Variants in AP2B1 observed in about 807,000 individuals in gnomAD.
AP2B1 encodes the protein adaptor related protein complex 2 subunit beta 1.
A neutral mutation model predicts 102.0 loss-of-function variants in AP2B1; 23 were observed. The ratio of observed to expected loss-of-function variants is 0.23; its 90% CI spans 0.16 to 0.32. AP2B1 has a LOEUF of 0.32. Among genes scored for constraint, AP2B1 ranks in the 10% least tolerant of loss-of-function variants. AP2B1 has a pLI of 1.00. For missense variants in AP2B1, 541 were observed against 1,157.4 expected, an observed-to-expected ratio of 0.47 and a Z score of 7.73; for synonymous variants, 381 against 421.2, an observed-to-expected ratio of 0.90 and a Z score of 1.17.
At chr17:35,596,529 T>TC (rs1438270429) in intron 2 of AP2B1, among the ~76,000 whole-genome samples, 1 of 151,792 alleles carries the variant, frequency 6.6e-6, no homozygotes, top group Non-Finnish European at 1.5e-5. Context: ...CTTTTTTTTT[T>TC]TTTTGGAGGA....
At position 35,593,526 on chromosome 17, in the gene AP2B1, A is replaced by AT. The variant is rs565677149; in HGVS notation, c.-23-472dup. 3.0e-4 allele frequency among the ~76,000 whole-genome samples: 45 copies of AT among 150,562 alleles called. No homozygotes were observed. In the South Asian group the frequency reaches 5.6e-3, roughly 19 times the overall value. ...AAGAATATTGTCCTACTAATTTTGA[A>AT]TTTTTTTTTTCTGAAAGAGATTCTT... is the stretch of plus-strand genomic sequence containing the variant. On this transcript the variant is annotated intron_variant, in intron 1 of 21. Coordinates refer to ENST00000610402, the MANE Select transcript of AP2B1 (RefSeq NM_001030006.2).
intron 10 of AP2B1, among the ~76,000 whole-genome samples, chr17:35,637,314 A>G (rs1306748276): frequency 6.6e-6 from 1 of 151,918 alleles, no homozygotes; most frequent in Non-Finnish European, 1.5e-5. Flanking sequence ...CTTCCCAAGT[A>G]GCTATGATTA....
At chr17:35,639,125 T>C (rs2074694415) in intron 10 of AP2B1, among the ~76,000 whole-genome samples, 1 of 152,112 alleles carries the variant, frequency 6.6e-6, no homozygotes, top group African/African-American at 2.4e-5. Context: ...AGGCCACAAG[T>C]TTGAGACCAG....
At chr17:35,588,936 T>G (rs534419413) in intron 1 of AP2B1, among the ~76,000 whole-genome samples, 137 of 152,338 alleles carry the variant, frequency 9.0e-4, no homozygotes, top group African/African-American at 3.1e-3. Context: ...AATACTAACT[T>G]TTTAGGCACA....
intron 16 of AP2B1, among the ~76,000 whole-genome samples, chr17:35,673,165 T>G (rs867485202): frequency 1.3e-5 from 2 of 152,320 alleles, no homozygotes; most frequent in African/African-American, 2.4e-5. Flanking sequence ...ACAGATCCTT[T>G]GGTATTCTGT....
At chr17:35,711,420 A>AC (rs1454327795) in intron 20 of AP2B1, among the ~76,000 whole-genome samples, 1 of 151,594 alleles carries the variant, frequency 6.6e-6, no homozygotes, top group Non-Finnish European at 1.5e-5. Context: ...CAAAAAAAAA[A>AC]AAAAACACAC....
At chr17:35,641,723 G>C (rs1598146499) in intron 11 of AP2B1, among the ~76,000 whole-genome samples, 154 bp from the exon 12 acceptor site, 1 of 152,192 alleles carries the variant, frequency 6.6e-6, no homozygotes, top group African/African-American at 2.4e-5. Flanking sequence ...GACTGCTGTT[G>C]TTGATATTGA....
At chr17:35,676,707 C>T (rs2075709257) in intron 17 of AP2B1, among the ~76,000 whole-genome samples, 1 of 152,176 alleles carries the variant, frequency 6.6e-6, no homozygotes, top group African/African-American at 2.4e-5. Flanking sequence ...CCATTCTTGT[C>T]GCTGTGTAGT....
At chr17:35,596,568 C>G (rs1428965081) in intron 2 of AP2B1, among the ~76,000 whole-genome samples, 9 of 151,160 alleles carry the variant, frequency 6.0e-5, no homozygotes, top group Non-Finnish European at 8.8e-5. Context: ...TGTCCCAGTC[C>G]TCGGGCGCCG....
intron 13 of AP2B1, among the ~76,000 whole-genome samples, chr17:35,652,803 A>G (rs1211461101): frequency 2.0e-5 from 3 of 152,016 alleles, no homozygotes; most frequent in African/African-American, 7.2e-5. Context: ...TACCTATTCT[A>G]CCTTCTTTTT....
At chr17:35,653,285 C>A (rs1272618953) in intron 13 of AP2B1, among the ~76,000 whole-genome samples, 2 of 152,194 alleles carry the variant, frequency 1.3e-5, no homozygotes, top group Non-Finnish European at 2.9e-5. Context: ...GAGGTTGTCG[C>A]TTTCCGAAAA....
intron 18 of AP2B1, among the ~76,000 whole-genome samples, chr17:35,708,675 A>G (rs1242399496): frequency 6.6e-6 from 1 of 152,190 alleles, no homozygotes; most frequent in East Asian, 1.9e-4. Flanking sequence ...TAAAAAAATA[A>G]AAAATAAGAG....
At chr17:35,618,359 A>G (rs1318218735) in intron 5 of AP2B1, among the ~76,000 whole-genome samples, 6 of 152,320 alleles carry the variant, frequency 3.9e-5, no homozygotes, top group South Asian at 4.2e-4. Context: ...TTTCCTCATA[A>G]TAGTTTTGGT....
rs1217379538 is a variant in AP2B1 at position 35,593,992 on chromosome 17, T to A, written c.-23-16T>A. 6.7e-7 allele frequency: 1 copy of A among 1,485,940 alleles called. No homozygotes were observed. Among genetic ancestry groups the A allele is most frequent in the South Asian group, 1.3e-5 (1 of 77,272 alleles). 92.0% of individuals were successfully genotyped at this position (1,485,940 alleles called of 1,614,324 possible). ...ATCTATAACCTGAATGAAGGAATTC[T>A]TTTCTCTTGCTATAGGTGCACATTA... On this transcript the variant is annotated splice_polypyrimidine_tract_variant and intron_variant, in intron 1 of 21. Coordinates refer to ENST00000610402, the MANE Select transcript of AP2B1 (RefSeq NM_001030006.2).
chr17:35,696,649 A>G (rs1165377243), intron 18 of AP2B1, among the ~76,000 whole-genome samples: 1 of 152,094 alleles, frequency 6.6e-6, no homozygotes, highest in African/African-American at 2.4e-5. Context: ...TCAGCTTTCC[A>G]AAGTGCTGGG....
rs569701571 is a variant in AP2B1, at chr17:35,627,245, C to CTTTTTTTT, written c.939-123_939-116dup. On this transcript the variant is annotated intron_variant, in intron 7 of 21. Transcript: ENST00000610402. ...TAGAGGCGTATAGAGGAAGTTTATG[C>CTTTTTTTT]TTTTTTTTTTTTTTTTTTTTTTTTG... The CTTTTTTTT allele has an allele frequency of 6.6e-4, 118 of 178,488 alleles. 5 individuals are homozygous for CTTTTTTTT. Among genetic ancestry groups the CTTTTTTTT allele is most frequent in the East Asian group, 9.4e-4 (7 of 7,430 alleles). The allele number at this position is 178,488 out of a possible 1,614,324, so 11.1% of individuals were successfully genotyped here. A position where few individuals can be genotyped will look rare whatever the true frequency, so the allele number is the denominator to read the frequency against.
intron 16 of AP2B1, among the ~76,000 whole-genome samples, chr17:35,673,938 A>AATT (rs1232523646): frequency 1.3e-5 from 2 of 152,188 alleles, no homozygotes; most frequent in African/African-American, 4.8e-5. Flanking sequence ...GGTTTTTTAA[A>AATT]ATTATTATTA....
rs952236054 is a variant in AP2B1 at position 35,709,207 on chromosome 17, T to C, written c.2455-17T>C. On this transcript the variant is annotated splice_polypyrimidine_tract_variant and intron_variant, in intron 18 of 21. Transcript: ENST00000610402. Reference sequence around the variant, plus strand: ...TCCCTGCGATGTCCTCATTTGACCTTGTTGCTTTCCTGGCAGGTGGCTGTG... The same window carrying C: ...TCCCTGCGATGTCCTCATTTGACCTCGTTGCTTTCCTGGCAGGTGGCTGTG... 3 of 1,613,276 alleles carry C rather than the reference T, an allele frequency of 1.9e-6. No homozygotes were observed. The highest frequency in any genetic ancestry group is 2.5e-6 in the Non-Finnish European group (3 of 1,179,216).
intron 2 of AP2B1, chr17:35,596,842 C>A (rs1374478752): frequency 1.0e-5 from 7 of 672,538 alleles, no homozygotes; most frequent in African/African-American, 5.4e-5. Context: ...TGCCCCACAC[C>A]GCACACAGGC....
Sources: gnomAD v4.1 joint callset for allele counts (sites outside exome capture counted in the v4.1 genomes callset) on GRCh38, gnomAD v4.1.1 for gene constraint, MANE v1.5 for transcripts, NCBI Gene and HGNC (gene_info 2026-07-23, HGNC 2026-07-21) for gene names.